Variants in SORCS3 observed in about 807,000 individuals in gnomAD.
The protein encoded by SORCS3 is sortilin related VPS10 domain containing receptor 3, also known as VPS10 domain-containing receptor SorCS3.
SORCS3 carries 57 observed loss-of-function variants against 146.3 expected under a neutral mutation model. That is an observed-to-expected ratio of 0.39 (90% CI 0.31 to 0.49). The LOEUF is 0.49. Ranked by LOEUF, SORCS3 falls within the 20% of genes least tolerant of loss-of-function variation. The pLI is 0.92. For missense variants in SORCS3, 1,341 were observed against 1,575.5 expected (o/e 0.85, Z 2.52); for synonymous variants, 653 against 618.5 (o/e 1.06, Z -0.83).
chr10:104,995,766 A>G (rs186455247), intron 4 of SORCS3, among the ~76,000 whole-genome samples: 1 of 152,284 alleles, frequency 6.6e-6, no homozygotes, highest in African/African-American at 2.4e-5. Context: ...GTTTTGATGA[A>G]GTACAATTTA....
intron 2 of SORCS3, among the ~76,000 whole-genome samples, chr10:104,907,298 T>A (rs1375490010): frequency 6.6e-6 from 1 of 152,216 alleles, no homozygotes; most frequent in East Asian, 1.9e-4. Flanking sequence ...TTTCCTTCCC[T>A]TACGTGCATG....
At chr10:105,174,914 T>C (rs1032715838) in intron 13 of SORCS3, among the ~76,000 whole-genome samples, 2 of 152,196 alleles carry the variant, frequency 1.3e-5, no homozygotes, top group Non-Finnish European at 2.9e-5. Context: ...TCTCTGTGTG[T>C]CTTCTCTTCA....
At chr10:104,774,740 G>A (rs1182387486) in intron 1 of SORCS3, among the ~76,000 whole-genome samples, 1 of 152,062 alleles carries the variant, frequency 6.6e-6, no homozygotes, top group Non-Finnish European at 1.5e-5. Context: ...GTGGAATCTG[G>A]CCCTGTCATT....
chr10:104,715,041 A>G (rs576478399), intron 1 of SORCS3, among the ~76,000 whole-genome samples: 2 of 152,330 alleles, frequency 1.3e-5, no homozygotes, highest in African/African-American at 2.4e-5. Flanking sequence ...TTGGTACTCC[A>G]TACCAATTAT....
chr10:104,727,990 G>A lies in SORCS3; in HGVS notation c.627+86036G>A, dbSNP rs188438578. Among the ~76,000 whole-genome samples the A allele has an allele frequency of 4.4e-3, 665 of 152,076 alleles. 5 individuals carry two copies. Among genetic ancestry groups the A allele is most frequent in the Middle Eastern group, 6.8e-3 (2 of 294 alleles). On this transcript the variant is annotated intron_variant, in intron 1 of 26. Coordinates refer to ENST00000369701, the MANE Select transcript of SORCS3 (RefSeq NM_014978.3). ...AAAACCGGTCCCTGGTGCCAAAAAGGTTGGGGACCACTGCTTTATATATAT... is the reference window on the plus strand; with the variant it reads ...AAAACCGGTCCCTGGTGCCAAAAAGATTGGGGACCACTGCTTTATATATAT...
chr10:104,960,352 G>A (rs2054786690), intron 3 of SORCS3, among the ~76,000 whole-genome samples: 1 of 152,100 alleles, frequency 6.6e-6, no homozygotes, highest in South Asian at 2.1e-4. Flanking sequence ...TCTGTTGCTT[G>A]TAGCAGAATA....
intron 1 of SORCS3, among the ~76,000 whole-genome samples, chr10:104,745,271 T>C (rs1270473002): frequency 6.6e-6 from 1 of 152,222 alleles, no homozygotes; most frequent in African/African-American, 2.4e-5. Context: ...ACAGCTGTTT[T>C]CTACTGTCAC....
chr10:104,743,786 C>T (rs1224602128), intron 1 of SORCS3, among the ~76,000 whole-genome samples: 4 of 152,074 alleles, frequency 2.6e-5, no homozygotes, highest in African/African-American at 4.8e-5. Flanking sequence ...CACAGGAATC[C>T]GCCTTGTCTG....
chr10:104,924,176 C>A (rs1296807644), intron 3 of SORCS3, among the ~76,000 whole-genome samples: 1 of 152,130 alleles, frequency 6.6e-6, no homozygotes, highest in Non-Finnish European at 1.5e-5. Flanking sequence ...GCTTAAAGGG[C>A]TCTCGGAGAC....
At chr10:105,188,711 A>G (rs959485531) in intron 14 of SORCS3, among the ~76,000 whole-genome samples, 3 of 152,204 alleles carry the variant, frequency 2.0e-5, no homozygotes, top group African/African-American at 7.2e-5. Flanking sequence ...AAATTAATGA[A>G]AGATTTAATT....
intron 7 of SORCS3, among the ~76,000 whole-genome samples, chr10:105,119,050 G>A (rs1305788081): frequency 1.3e-5 from 2 of 152,206 alleles, no homozygotes; most frequent in Non-Finnish European, 2.9e-5. Context: ...TCTCATCACA[G>A]TCCCGAGGTC....
At chr10:105,260,503 A>G (rs2056954451) in intron 25 of SORCS3, among the ~76,000 whole-genome samples, 1 of 152,234 alleles carries the variant, frequency 6.6e-6, no homozygotes, top group African/African-American at 2.4e-5. Context: ...AAATTATATT[A>G]AACTGGCTTA....
chr10:105,173,947 T>C (rs1188258148), intron 13 of SORCS3, among the ~76,000 whole-genome samples: 2 of 152,246 alleles, frequency 1.3e-5, no homozygotes, highest in Admixed American at 1.3e-4. Context: ...AGTAGCTGTT[T>C]GGTGACTATC....
chr10:105,189,921 C>T (rs1311382310), intron 14 of SORCS3, among the ~76,000 whole-genome samples: 2 of 152,222 alleles, frequency 1.3e-5, no homozygotes, highest in Admixed American at 1.3e-4. Context: ...GCAGTAGATG[C>T]TTTAGCCTTT....
chr10:105,252,740 C>T (rs752929837), intron 22 of SORCS3, 35 bp from the exon 23 acceptor site: 160 of 1,612,928 alleles, frequency 9.9e-5, no homozygotes, highest in Non-Finnish European at 1.2e-4. Flanking sequence ...GGGCTGGCTC[C>T]TCCACAGCCT....
Position 105,245,737 on chromosome 10 carries a change from T to C in SORCS3, c.2992+72T>C. 2.0e-6 allele frequency: 3 copies of C among 1,527,260 alleles called. No homozygotes were observed. In the South Asian group the frequency reaches 3.7e-5, roughly 19 times the overall value. 94.6% of individuals were successfully genotyped at this position (1,527,260 alleles called of 1,614,324 possible). ...TCTCCTGTGTCCACTCTCCCTACAA[T>C]CATTGAGTGTGGTGGAAATTCCTCA... is the stretch of plus-strand genomic sequence containing the variant. On this transcript the variant is annotated intron_variant, in intron 21 of 26. Transcript: ENST00000369701.
At chr10:105,074,200 C>T (rs369335257) in intron 5 of SORCS3, among the ~76,000 whole-genome samples, 28 of 152,280 alleles carry the variant, frequency 1.8e-4, no homozygotes, top group African/African-American at 3.6e-4. Flanking sequence ...CAAGCCTGCA[C>T]GGTGCATCAC....
At chr10:104,866,345 G>A (rs1229294181) in intron 2 of SORCS3, among the ~76,000 whole-genome samples, 1 of 152,166 alleles carries the variant, frequency 6.6e-6, no homozygotes, top group Non-Finnish European at 1.5e-5. Flanking sequence ...TATCCTTAAA[G>A]AACAGAGTTA....
intron 2 of SORCS3, among the ~76,000 whole-genome samples, chr10:104,902,258 A>T (rs2018859399): frequency 6.6e-6 from 1 of 152,184 alleles, no homozygotes; most frequent in Non-Finnish European, 1.5e-5. Context: ...GCTGAGATAC[A>T]TTCTGTTTCT....
Sources: gnomAD v4.1 joint callset for allele counts (sites outside exome capture counted in the v4.1 genomes callset) on GRCh38, gnomAD v4.1.1 for gene constraint, MANE v1.5 for transcripts, NCBI Gene and HGNC (gene_info 2026-07-23, HGNC 2026-07-21) for gene names.